Variants in CCSAP observed in about 807,000 individuals in gnomAD.
The protein encoded by CCSAP is centriole, cilia and spindle-associated protein.
In CCSAP, 17 loss-of-function variants were observed where a neutral mutation model predicts 25.9. The ratio of observed to expected loss-of-function variants is 0.66; its 90% CI spans 0.45 to 0.99. The LOEUF (loss-of-function observed/expected upper bound fraction) is 0.99. CCSAP is among the 50% of genes least tolerant of loss of function. The pLI, the probability that CCSAP is intolerant of heterozygous loss-of-function variation, is 0.00. For synonymous variants in CCSAP, 169 were observed against 157.1 expected, an observed-to-expected ratio of 1.08 and a Z score of -0.57; for missense variants, 339 against 367.8, an observed-to-expected ratio of 0.92 and a Z score of 0.64.
At chr1:229,339,737 T>G (rs1013558453) in intron 2 of CCSAP, among the ~76,000 whole-genome samples, 7 of 152,264 alleles carry the variant, frequency 4.6e-5, no homozygotes, top group Admixed American at 6.5e-5. Context: ...GTGAACCTGA[T>G]GTGTTGGTTG....
In CCSAP at chr1:229,326,532, G is replaced by A. The variant is rs12143916; in HGVS notation, c.636+206C>T. On this transcript the variant is annotated intron_variant, in intron 3 of 3. Transcript: ENST00000284617. ...GGGTAACTCCAAGCCAAAACCCCTC[G>A]CTCTGCAGGCCACCAACATGCAGAA... Among the ~76,000 whole-genome samples, 2,387 of 152,210 alleles carry A rather than the reference G, an allele frequency of 0.016. 24 individuals are homozygous for A. The highest frequency in any genetic ancestry group is 0.024 in the Non-Finnish European group (1,607 of 68,016).
intron 3 of CCSAP, 42 bp from the exon 4 acceptor site, chr1:229,325,453 A>G: frequency 6.3e-7 from 1 of 1,575,112 alleles, no homozygotes; most frequent in Non-Finnish European, 8.6e-7. Flanking sequence ...TTAAGGGGCT[A>G]TTATACTAAT....
chr1:229,340,507 G>C (rs1658306683), intron 2 of CCSAP: 2 of 707,346 alleles, frequency 2.8e-6, no homozygotes, highest in African/African-American at 3.5e-5. Context: ...TAAAAGATCG[G>C]GGAGAGAAAA....
chr1:229,333,685 A>G (rs1210241439), intron 2 of CCSAP, among the ~76,000 whole-genome samples: 1 of 151,874 alleles, frequency 6.6e-6, no homozygotes, highest in Non-Finnish European at 1.5e-5. Flanking sequence ...TTCAAGACCA[A>G]CCTGGGCAAC....
In CCSAP at chr1:229,342,166, G is replaced by A. The variant is rs1658350460; in HGVS notation, c.300C>T (p.Ala100=). 1 of 1,296,378 alleles carries A rather than the reference G, an allele frequency of 7.7e-7. No individual in the cohort carries two copies. The highest frequency in any genetic ancestry group is 9.8e-7 in the Non-Finnish European group (1 of 1,023,282). The allele number at this position is 1,296,378 out of a possible 1,614,324, so 80.3% of individuals were successfully genotyped here. A position where few individuals can be genotyped will look rare whatever the true frequency, so the allele number is the denominator to read the frequency against. Reference sequence around the variant, plus strand: ...CGGCCTCCGCGTCCTGCTCCTCCGGGGCCCCGCGCGCCCGCCGTTCCGCCT... The same window carrying A: ...CGGCCTCCGCGTCCTGCTCCTCCGGAGCCCCGCGCGCCCGCCGTTCCGCCT... ...QEEAERRARG[A]PEEQDAEAGD... The change falls in exon 2 of 4, where the codon GCC becomes GCT. Residue 100 remains alanine, a synonymous_variant. Transcript: ENST00000284617. The surrounding 1 kb of genome is among the most constrained non-coding windows in gnomAD (Gnocchi z 7.5).
intron 2 of CCSAP, among the ~76,000 whole-genome samples, chr1:229,328,044 C>T (rs1256286668): frequency 6.6e-6 from 1 of 152,162 alleles, no homozygotes; most frequent in Non-Finnish European, 1.5e-5. Context: ...CAAGGATGTA[C>T]TCCAAAAAAT....
chr1:229,337,678 A>AAAAATATATATAT, intron 2 of CCSAP, among the ~76,000 whole-genome samples: 8 of 65,546 alleles, frequency 1.2e-4, no homozygotes, highest in Non-Finnish European at 2.2e-4. Flanking sequence ...CTCAAAAAAA[A>AAAAATATATATAT]ATATATATAT....
chr1:229,333,060 A>G (rs1166267811), intron 2 of CCSAP, among the ~76,000 whole-genome samples: 3 of 152,238 alleles, frequency 2.0e-5, no homozygotes, highest in South Asian at 2.1e-4. Flanking sequence ...ATTATATAGA[A>G]TGTGTTCTCT....
At chr1:229,329,956 A>G (rs1658030940) in intron 2 of CCSAP, among the ~76,000 whole-genome samples, 1 of 152,112 alleles carries the variant, frequency 6.6e-6, no homozygotes, top group South Asian at 2.1e-4. Flanking sequence ...GCACCATTGC[A>G]CTCCACCCTG....
At chr1:229,337,678 A>AAAAAATATATATATAT in intron 2 of CCSAP, among the ~76,000 whole-genome samples, 1 of 65,514 alleles carries the variant, frequency 1.5e-5, no homozygotes, top group African/African-American at 6.0e-5. Context: ...CTCAAAAAAA[A>AAAAAATATATATATAT]ATATATATAT....
chr1:229,337,039 C>T (rs897401419), intron 2 of CCSAP, among the ~76,000 whole-genome samples: 1 of 151,946 alleles, frequency 6.6e-6, no homozygotes, highest in African/African-American at 2.4e-5. Context: ...ATCCAGGAGG[C>T]ACACCATCCA....
At chr1:229,335,932 T>C (rs237785) in intron 2 of CCSAP, among the ~76,000 whole-genome samples, 135,894 of 151,984 alleles carry the variant, frequency 0.89, 61,172 homozygotes, top group East Asian at 0.99. Flanking sequence ...GAAAAATAAA[T>C]AAAAAATAAT....
chr1:229,328,472 C>CAA (rs202189967), intron 2 of CCSAP, among the ~76,000 whole-genome samples: 5 of 127,490 alleles, frequency 3.9e-5, no homozygotes, highest in South Asian at 2.3e-4. Context: ...AGGCAATTTA[C>CAA]AAAAAAATTT....
At chr1:229,333,582 T>A (rs1014468894) in intron 2 of CCSAP, among the ~76,000 whole-genome samples, 3 of 151,604 alleles carry the variant, frequency 2.0e-5, no homozygotes, top group African/African-American at 7.3e-5. Context: ...CTGGACACTT[T>A]AAATCAGTTA....
chr1:229,336,213 T>G (rs1658191657), intron 2 of CCSAP, among the ~76,000 whole-genome samples: 1 of 150,702 alleles, frequency 6.6e-6, no homozygotes, highest in Non-Finnish European at 1.5e-5. Flanking sequence ...CAAGGTAATT[T>G]TGTTACACAG....
chr1:229,333,613 C>T (rs953604567), intron 2 of CCSAP, among the ~76,000 whole-genome samples: 3 of 152,058 alleles, frequency 2.0e-5, no homozygotes, highest in African/African-American at 7.2e-5. Flanking sequence ...GGCGCAGTGG[C>T]TCAAGCCTGT....
chr1:229,338,408 A>G (rs922839886), intron 2 of CCSAP, among the ~76,000 whole-genome samples: 1 of 152,208 alleles, frequency 6.6e-6, no homozygotes, highest in African/African-American at 2.4e-5. Flanking sequence ...CTAAAAATAA[A>G]ATCTAACCTA....
At chr1:229,341,451 A>G (rs1196253469) in intron 2 of CCSAP, among the ~76,000 whole-genome samples, 1 of 152,214 alleles carries the variant, frequency 6.6e-6, no homozygotes, top group Non-Finnish European at 1.5e-5. Context: ...TGAAGGGGCC[A>G]TGCCTTGAAA....
Position 229,328,632 on chromosome 1 carries a change from A to G in CCSAP, c.368-1626T>C, listed in dbSNP as rs138847178. 2.2e-4 allele frequency among the ~76,000 whole-genome samples: 33 copies of G among 152,290 alleles called. 1 individual carries two copies. In the East Asian group the frequency reaches 6.0e-3, roughly 28 times the overall value. Reference sequence around the variant, plus strand: ...ATCAGTGATGATTTTATAGATTGCTATTACAATCTATATAAGGTCTTATCA... The same window carrying G: ...ATCAGTGATGATTTTATAGATTGCTGTTACAATCTATATAAGGTCTTATCA... On this transcript the variant is annotated intron_variant, in intron 2 of 3. Transcript: ENST00000284617.
Sources: gnomAD v4.1 joint callset for allele counts (sites outside exome capture counted in the v4.1 genomes callset) on GRCh38, gnomAD v4.1.1 for gene constraint, Gnocchi (gnomAD v3.1) non-coding constraint, MANE v1.5 for transcripts, NCBI Gene and HGNC (gene_info 2026-07-23, HGNC 2026-07-21) for gene names.